The following FOXQ1 variants were observed in gnomAD, a reference collection of about 807,000 sequenced individuals.
FOXQ1 encodes the protein forkhead box protein Q1.
A neutral mutation model predicts 0.6 loss-of-function variants in FOXQ1; 1 was observed. The ratio of observed to expected loss-of-function variants is 1.73; its 90% CI spans 0.61 to 8.20. The LOEUF (loss-of-function observed/expected upper bound fraction) is 8.20. Among genes scored for constraint, FOXQ1 ranks in the 30% most tolerant of loss-of-function variants. The pLI, the probability that FOXQ1 is intolerant of heterozygous loss-of-function variation, is 0.13. For missense variants in FOXQ1, 734 were observed against 595.6 expected (o/e 1.23, Z -2.42); for synonymous variants, 377 against 294.4 (o/e 1.28, Z -2.87).
rs192687213 is a variant in FOXQ1, at chr6:1,312,548, C to A, written c.-157C>A. The A allele has an allele frequency of 6.8e-6, 8 of 1,168,618 alleles. No homozygotes were observed. The highest frequency in any genetic ancestry group is 5.4e-6 in the Non-Finnish European group (5 of 926,578). 72.4% of individuals were successfully genotyped at this position (1,168,618 alleles called of 1,614,324 possible). A position where few individuals can be genotyped will look rare whatever the true frequency, so the allele number is the denominator to read the frequency against. On this transcript the variant is annotated 5_prime_UTR_variant, in exon 1 of 1. Coordinates refer to ENST00000296839, the MANE Select transcript of FOXQ1 (RefSeq NM_033260.4). ...GAAAAAGCCCAGCGGAAGAGGACTC[C>A]GGAAAAGTGACTATCTCGGAAGACC...
Position 1,313,349 on chromosome 6 carries a change from C to T in FOXQ1, c.645C>T (p.Arg215=). The T allele has an allele frequency of 6.4e-7, 1 of 1,552,882 alleles. No individual in the cohort carries two copies. Among genetic ancestry groups the T allele is most frequent in the Middle Eastern group, 1.7e-4 (1 of 5,826 alleles). The change falls in exon 1 of 1, where the codon CGC becomes CGT. Residue 215 remains arginine, a synonymous_variant. Coordinates refer to ENST00000296839, the MANE Select transcript of FOXQ1 (RefSeq NM_033260.4). This position sits in a 1 kb window ranked among gnomAD's most constrained non-coding sequence, Gnocchi z 5.2. ...ADGVFRRRRK[R]LSHRAPVPAP... ...GGGTCTTCCGCCGCCGCCGCAAGCG[C>T]CTCAGCCACCGCGCGCCGGTCCCCG...
At position 1,313,932 on chromosome 6, in the gene FOXQ1, C is replaced by G. The variant is rs1442781993; in HGVS notation, c.*16C>G. The G allele has an allele frequency of 9.0e-6, 11 of 1,225,998 alleles. No homozygotes were observed. Among genetic ancestry groups the G allele is most frequent in the Non-Finnish European group, 1.1e-5 (11 of 983,360 alleles). 75.9% of individuals were successfully genotyped at this position (1,225,998 alleles called of 1,614,324 possible). On this transcript the variant is annotated 3_prime_UTR_variant, in exon 1 of 1. Coordinates refer to ENST00000296839, the MANE Select transcript of FOXQ1 (RefSeq NM_033260.4). This position sits in a 1 kb window ranked among gnomAD's most constrained non-coding sequence, Gnocchi z 5.2. ...CCTAGCCTGAGTAGCGCCGCGGGGCCCGGGAACGCCGAGTGCGCGCCGTCG... is the reference window on the plus strand; with the variant it reads ...CCTAGCCTGAGTAGCGCCGCGGGGCGCGGGAACGCCGAGTGCGCGCCGTCG...
At position 1,313,688 on chromosome 6, in the gene FOXQ1, G is replaced by C. The variant is rs1316262067; in HGVS notation, c.984G>C (p.Ala328=). ...RALLPLCAYG[A]GEPARLGARE... Reference sequence around the variant, plus strand: ...TGCTGCCGCTCTGCGCGTACGGCGCGGGCGAGCCGGCGCGGCTGGGCGCGC... The same window carrying C: ...TGCTGCCGCTCTGCGCGTACGGCGCCGGCGAGCCGGCGCGGCTGGGCGCGC... The change falls in exon 1 of 1, where the codon GCG becomes GCC. Residue 328 remains alanine (A), a synonymous_variant. Coordinates refer to ENST00000296839, the MANE Select transcript of FOXQ1 (RefSeq NM_033260.4). This position sits in a 1 kb window ranked among gnomAD's most constrained non-coding sequence, Gnocchi z 5.2. 3 of 1,035,608 alleles carry C rather than the reference G, an allele frequency of 2.9e-6. No individual in the cohort carries two copies. Among genetic ancestry groups the C allele is most frequent in the African/African-American group, 1.7e-5 (1 of 57,784 alleles). The allele number at this position is 1,035,608 out of a possible 1,614,324, so 64.2% of individuals were successfully genotyped here.
At position 1,312,798 on chromosome 6, in the gene FOXQ1, C is replaced by G; in HGVS notation, c.94C>G (p.Leu32Val). The change falls in exon 1 of 1, where the codon CTG becomes GTG. Residue 32 changes from leucine (L) to valine (V), a missense_variant. Physicochemically the swap from Leu to Val is conservative, Grantham distance 32. Coordinates refer to ENST00000296839, the MANE Select transcript of FOXQ1 (RefSeq NM_033260.4). ...GAGGSDAPSPLSAAGDDSLGS... is the reference protein window; with the variant it reads ...GAGGSDAPSPVSAAGDDSLGS... Reference sequence around the variant, plus strand: ...GGGCGGCAGCGACGCGCCGTCCCCGCTGTCGGCGGCGGGAGACGACTCCCT... The same window carrying G: ...GGGCGGCAGCGACGCGCCGTCCCCGGTGTCGGCGGCGGGAGACGACTCCCT... 1 of 1,304,500 alleles carries G rather than the reference C, an allele frequency of 7.7e-7. No homozygotes were observed. Among genetic ancestry groups the G allele is most frequent in the Non-Finnish European group, 9.7e-7 (1 of 1,028,218 alleles). The allele number at this position is 1,304,500 out of a possible 1,614,324, so 80.8% of individuals were successfully genotyped here.
chr6:1,313,948 C>T lies in FOXQ1; in HGVS notation c.*32C>T, dbSNP rs927777832. The T allele has an allele frequency of 4.9e-6, 6 of 1,223,060 alleles. No individual in the cohort carries two copies. The highest frequency in any genetic ancestry group is 3.2e-5 in the East Asian group (1 of 30,862). The allele number at this position is 1,223,060 out of a possible 1,614,324, so 75.8% of individuals were successfully genotyped here. On this transcript the variant is annotated 3_prime_UTR_variant, in exon 1 of 1. Transcript: ENST00000296839. This position sits in a 1 kb window ranked among gnomAD's most constrained non-coding sequence, Gnocchi z 5.2. ...CCGCGGGGCCCGGGAACGCCGAGTG[C>T]GCGCCGTCGGGGAGGCGGGAACGCG...
Position 1,312,700 on chromosome 6 carries a change from C to T in FOXQ1, c.-5C>T. 1.5e-6 allele frequency: 2 copies of T among 1,343,884 alleles called. No homozygotes were observed. The highest frequency in any genetic ancestry group is 9.5e-7 in the Non-Finnish European group (1 of 1,050,140). The allele number at this position is 1,343,884 out of a possible 1,614,324, so 83.2% of individuals were successfully genotyped here. On this transcript the variant is annotated 5_prime_UTR_variant, in exon 1 of 1. Coordinates refer to ENST00000296839, the MANE Select transcript of FOXQ1 (RefSeq NM_033260.4). The stretch of plus-strand genomic sequence containing the variant: ...CGACGCCGGGGAGGGACTGGGTGCG[C>T]GGGCATGAAGTTGGAGGTGTTCGTC...
In FOXQ1 at chr6:1,312,983, C is replaced by T. The variant is rs1334557938; in HGVS notation, c.279C>T (p.Ala93=). The T allele has an allele frequency of 2.3e-6, 3 of 1,295,620 alleles. No individual in the cohort carries two copies. The highest frequency in any genetic ancestry group is 2.3e-4 in the Middle Eastern group (1 of 4,266). 80.3% of individuals were successfully genotyped at this position (1,295,620 alleles called of 1,614,324 possible). A position where few individuals can be genotyped will look rare whatever the true frequency, so the allele number is the denominator to read the frequency against. The change falls in exon 1 of 1, where the codon GCC becomes GCT. Residue 93 remains alanine (A), a synonymous_variant. Transcript: ENST00000296839. ...CGGTGGTGGCGGAGGGCGCGGAGGC[C>T]GGGGCGGCGGGGCCAGGCGCGGGCG... ...AAAVVAEGAE[A]GAAGPGAGGA... is the part of the protein sequence containing the mutation.
chr6:1,314,248 A>G lies in FOXQ1; in HGVS notation c.*332A>G, dbSNP rs1581235874. The G allele has an allele frequency of 5.5e-6, 1 of 183,006 alleles. No homozygotes were observed. Among genetic ancestry groups the G allele is most frequent in the African/African-American group, 2.4e-5 (1 of 41,910 alleles). The allele number at this position is 183,006 out of a possible 1,614,324, so 11.3% of individuals were successfully genotyped here. ...TTCTACTGTTTTTGTCGCAACTTCCATTGATTTATGTCCCTTCCCTCCCCC... is the reference window on the plus strand; with the variant it reads ...TTCTACTGTTTTTGTCGCAACTTCCGTTGATTTATGTCCCTTCCCTCCCCC... On this transcript the variant is annotated 3_prime_UTR_variant, in exon 1 of 1. Transcript: ENST00000296839.
chr6:1,313,837 T>C lies in FOXQ1; in HGVS notation c.1133T>C (p.Leu378Pro). Reference protein sequence around the residue: ...GGAHLYCPLRLPAALQAASVR... With the variant: ...GGAHLYCPLRPPAALQAASVR... ...GCGCACCTGTACTGCCCCCTGCGGC[T>C]GCCCGCAGCCCTGCAGGCGGCCTCA... is the stretch of plus-strand genomic sequence containing the variant. The change falls in exon 1 of 1, where the codon CTG becomes CCG. Residue 378 changes from leucine (L) to proline (P), a missense_variant. By Grantham distance (98) the Leu-to-Pro change is moderately conservative (BLOSUM62 -3). Coordinates refer to ENST00000296839, the MANE Select transcript of FOXQ1 (RefSeq NM_033260.4). This position sits in a 1 kb window ranked among gnomAD's most constrained non-coding sequence, Gnocchi z 5.2. 2 of 1,295,370 alleles carry C rather than the reference T, an allele frequency of 1.5e-6. No individual in the cohort carries two copies. The highest frequency in any genetic ancestry group is 1.9e-6 in the Non-Finnish European group (2 of 1,027,816). The allele number at this position is 1,295,370 out of a possible 1,614,324, so 80.2% of individuals were successfully genotyped here. A position where few individuals can be genotyped will look rare whatever the true frequency, so the allele number is the denominator to read the frequency against.
In FOXQ1 at chr6:1,313,649, G is replaced by T. The variant is rs1323232287; in HGVS notation, c.945G>T (p.Ala315=). 9.6e-7 allele frequency: 1 copy of T among 1,046,980 alleles called. No individual in the cohort carries two copies. Among genetic ancestry groups the T allele is most frequent in the Non-Finnish European group, 1.1e-6 (1 of 873,452 alleles). The allele number at this position is 1,046,980 out of a possible 1,614,324, so 64.9% of individuals were successfully genotyped here. A position where few individuals can be genotyped will look rare whatever the true frequency, so the allele number is the denominator to read the frequency against. The change falls in exon 1 of 1, where the codon GCG becomes GCT. Residue 315 remains alanine, a synonymous_variant. Coordinates refer to ENST00000296839, the MANE Select transcript of FOXQ1 (RefSeq NM_033260.4). The surrounding 1 kb of genome is among the most constrained non-coding windows in gnomAD (Gnocchi z 5.2). ...LPAFPALLPA[A]PCRALLPLCA... The stretch of plus-strand genomic sequence containing the variant: ...CGTTCCCCGCGCTCCTCCCCGCGGC[G>T]CCCTGCAGGGCCCTGCTGCCGCTCT...
At position 1,313,979 on chromosome 6, in the gene FOXQ1, G is replaced by T. The variant is rs1480367811; in HGVS notation, c.*63G>T. 9 of 1,212,100 alleles carry T rather than the reference G, an allele frequency of 7.4e-6. No individual in the cohort carries two copies. Among genetic ancestry groups the T allele is most frequent in the Admixed American group, 4.4e-5 (1 of 22,856 alleles). The allele number at this position is 1,212,100 out of a possible 1,614,324, so 75.1% of individuals were successfully genotyped here. A position where few individuals can be genotyped will look rare whatever the true frequency, so the allele number is the denominator to read the frequency against. ...GTCGGGGAGGCGGGAACGCGGGCCC[G>T]CGCGCGGACTTTGCACTTTGAATCC... On this transcript the variant is annotated 3_prime_UTR_variant, in exon 1 of 1. Transcript: ENST00000296839. This position sits in a 1 kb window ranked among gnomAD's most constrained non-coding sequence, Gnocchi z 5.2.
In FOXQ1 at chr6:1,313,908, C is replaced by T. The variant is rs927130906; in HGVS notation, c.1204C>T (p.Leu402=). ...CCTGCCGTACCCGGTGGAGACGCTC[C>T]TAGCCTGAGTAGCGCCGCGGGGCCC... ...PHLPYPVETL[L]A is the part of the protein sequence containing the mutation. Residue 402 remains leucine (L), a synonymous_variant, in exon 1 of 1, where the codon CTA becomes TTA. Coordinates refer to ENST00000296839, the MANE Select transcript of FOXQ1 (RefSeq NM_033260.4). This position sits in a 1 kb window ranked among gnomAD's most constrained non-coding sequence, Gnocchi z 5.2. 2 of 1,267,272 alleles carry T rather than the reference C, an allele frequency of 1.6e-6. No individual in the cohort carries two copies. Among genetic ancestry groups the T allele is most frequent in the Non-Finnish European group, 2.0e-6 (2 of 1,011,400 alleles). 78.5% of individuals were successfully genotyped at this position (1,267,272 alleles called of 1,614,324 possible).
At position 1,314,370 on chromosome 6, in the gene FOXQ1, T is replaced by C. The variant is rs1359666413; in HGVS notation, c.*454T>C. The C allele has an allele frequency of 6.0e-6, 1 of 166,984 alleles. No individual in the cohort carries two copies. Among genetic ancestry groups the C allele is most frequent in the East Asian group, 1.9e-4 (1 of 5,212 alleles). The allele number at this position is 166,984 out of a possible 1,614,324, so 10.3% of individuals were successfully genotyped here. A position where few individuals can be genotyped will look rare whatever the true frequency, so the allele number is the denominator to read the frequency against. On this transcript the variant is annotated 3_prime_UTR_variant, in exon 1 of 1. Coordinates refer to ENST00000296839, the MANE Select transcript of FOXQ1 (RefSeq NM_033260.4). ...CGTGTACGTATGTGGCATTTCCAGGTATGACTGAGTGTGAGAGACATGTCA... is the reference window on the plus strand; with the variant it reads ...CGTGTACGTATGTGGCATTTCCAGGCATGACTGAGTGTGAGAGACATGTCA...
At position 1,313,129 on chromosome 6, in the gene FOXQ1, T is replaced by C; in HGVS notation, c.425T>C (p.Leu142Pro). 6.2e-7 allele frequency: 1 copy of C among 1,607,966 alleles called. No homozygotes were observed. Among genetic ancestry groups the C allele is most frequent in the Non-Finnish European group, 8.5e-7 (1 of 1,177,566 alleles). ...GACTCGGCGGGCGGGCGCTTGACGCTGGCGGAGATCAACGAGTACCTCATG... is the reference window on the plus strand; with the variant it reads ...GACTCGGCGGGCGGGCGCTTGACGCCGGCGGAGATCAACGAGTACCTCATG... Reference protein sequence around the residue: ...IRDSAGGRLTLAEINEYLMGK... With the variant: ...IRDSAGGRLTPAEINEYLMGK... The change falls in exon 1 of 1, where the codon CTG becomes CCG. Residue 142 changes from leucine (L) to proline (P), a missense_variant. Coordinates refer to ENST00000296839, the MANE Select transcript of FOXQ1 (RefSeq NM_033260.4). The surrounding 1 kb of genome is among the most constrained non-coding windows in gnomAD (Gnocchi z 5.2).
chr6:1,313,405 G>T lies in FOXQ1; in HGVS notation c.701G>T (p.Gly234Val). 9.4e-7 allele frequency: 1 copy of T among 1,065,766 alleles called. No homozygotes were observed. Among genetic ancestry groups the T allele is most frequent in the Non-Finnish European group, 1.1e-6 (1 of 880,964 alleles). The allele number at this position is 1,065,766 out of a possible 1,614,324, so 66.0% of individuals were successfully genotyped here. A position where few individuals can be genotyped will look rare whatever the true frequency, so the allele number is the denominator to read the frequency against. Residue 234 changes from glycine to valine, a missense_variant, in exon 1 of 1, where the codon GGC (glycine) becomes GTC (valine). Coordinates refer to ENST00000296839, the MANE Select transcript of FOXQ1 (RefSeq NM_033260.4). The surrounding 1 kb of genome is among the most constrained non-coding windows in gnomAD (Gnocchi z 5.2). ...APGLRPEEAP[G>V]LPAAPPPAPA... Reference sequence around the variant, plus strand: ...GGGCTGCGGCCCGAGGAGGCCCCGGGCCTCCCCGCCGCCCCGCCGCCCGCG... The same window carrying T: ...GGGCTGCGGCCCGAGGAGGCCCCGGTCCTCCCCGCCGCCCCGCCGCCCGCG...
At position 1,313,782 on chromosome 6, in the gene FOXQ1, A is replaced by G; in HGVS notation, c.1078A>G (p.Lys360Glu). The G allele has an allele frequency of 7.9e-7, 1 of 1,259,328 alleles. No homozygotes were observed. Among genetic ancestry groups the G allele is most frequent in the East Asian group, 3.4e-5 (1 of 29,798 alleles). 78.0% of individuals were successfully genotyped at this position (1,259,328 alleles called of 1,614,324 possible). Residue 360 changes from lysine to glutamate, a missense_variant, in exon 1 of 1, where the codon AAG becomes GAG. Transcript: ENST00000296839. This position sits in a 1 kb window ranked among gnomAD's most constrained non-coding sequence, Gnocchi z 5.2. ...ACCTCTCCCGGCGGCGGCCCCCGCC[A>G]AGCCACTCCGAGGCCCGGCGGCCGG... ...LAPLPAAAPAKPLRGPAAGGA... is the reference protein window; with the variant it reads ...LAPLPAAAPAEPLRGPAAGGA...
chr6:1,313,754 T>G lies in FOXQ1; in HGVS notation c.1050T>G (p.Leu350=). ...EVPPTAPPLL[L]APLPAAAPAK... is the part of the protein sequence containing the mutation. Reference sequence around the variant, plus strand: ...CACCGACCGCGCCGCCCCTCCTGCTTGCACCTCTCCCGGCGGCGGCCCCCG... The same window carrying G: ...CACCGACCGCGCCGCCCCTCCTGCTGGCACCTCTCCCGGCGGCGGCCCCCG... The change falls in exon 1 of 1, where the codon CTT becomes CTG. Residue 350 remains leucine, a synonymous_variant. Coordinates refer to ENST00000296839, the MANE Select transcript of FOXQ1 (RefSeq NM_033260.4). The surrounding 1 kb of genome is among the most constrained non-coding windows in gnomAD (Gnocchi z 5.2). 4 of 1,217,312 alleles carry G rather than the reference T, an allele frequency of 3.3e-6. No homozygotes were observed. The highest frequency in any genetic ancestry group is 4.1e-6 in the Non-Finnish European group (4 of 981,760). 75.4% of individuals were successfully genotyped at this position (1,217,312 alleles called of 1,614,324 possible). A position where few individuals can be genotyped will look rare whatever the true frequency, so the allele number is the denominator to read the frequency against.
Position 1,312,300 on chromosome 6 carries a change from C to A in FOXQ1, c.-405C>A, listed in dbSNP as rs929136099. The A allele has an allele frequency of 5.5e-5, 9 of 162,196 alleles. No homozygotes were observed. Among genetic ancestry groups the A allele is most frequent in the African/African-American group, 1.9e-4 (8 of 41,876 alleles). 10.0% of individuals were successfully genotyped at this position (162,196 alleles called of 1,614,324 possible). A position where few individuals can be genotyped will look rare whatever the true frequency, so the allele number is the denominator to read the frequency against. ...ACGCCCGCGCGGGACCTGGGACCGC[C>A]AGTGAAGAACCCCTCCTGGGCTCTT... On this transcript the variant is annotated 5_prime_UTR_variant, in exon 1 of 1. Coordinates refer to ENST00000296839, the MANE Select transcript of FOXQ1 (RefSeq NM_033260.4).
Position 1,313,371 on chromosome 6 carries a change from C to A in FOXQ1, c.667C>A (p.Pro223Thr). The change falls in exon 1 of 1, where the codon CCC becomes ACC. Residue 223 changes from proline to threonine, a missense_variant. Transcript: ENST00000296839. The surrounding 1 kb of genome is among the most constrained non-coding windows in gnomAD (Gnocchi z 5.2). ...GCGCCTCAGCCACCGCGCGCCGGTC[C>A]CCGCGCCCGGGCTGCGGCCCGAGGA... ...RKRLSHRAPVPAPGLRPEEAP... is the reference protein window; with the variant it reads ...RKRLSHRAPVTAPGLRPEEAP... 6.7e-7 allele frequency: 1 copy of A among 1,494,334 alleles called. No individual in the cohort carries two copies. The highest frequency in any genetic ancestry group is 8.9e-7 in the Non-Finnish European group (1 of 1,119,570). The allele number at this position is 1,494,334 out of a possible 1,614,324, so 92.6% of individuals were successfully genotyped here.
Sources: gnomAD v4.1 joint callset for allele counts on GRCh38, gnomAD v4.1.1 for gene constraint, Gnocchi (gnomAD v3.1) non-coding constraint, MANE v1.5 for transcripts, NCBI Gene and HGNC (gene_info 2026-07-23, HGNC 2026-07-21) for gene names.